The following CASP6 variants were observed in gnomAD, a reference collection of about 807,000 sequenced individuals.
The protein encoded by CASP6 is caspase 6, also known as caspase-6.
A neutral mutation model predicts 31.8 loss-of-function variants in CASP6; 20 were observed. That is an observed-to-expected ratio of 0.63 (90% confidence interval 0.44 to 0.91). The LOEUF is 0.91. CASP6 is among the 40% of genes least tolerant of loss of function. The pLI is 0.00. For missense variants in CASP6, 328 were observed against 361.1 expected (o/e 0.91, Z 0.74); for synonymous variants, 130 against 127.8 (o/e 1.02, Z -0.12).
At chr4:109,664,485 C>T in the CASP6 span, 16 of 608,978 alleles carry the variant, frequency 2.6e-5, no homozygotes, top group South Asian at 1.6e-4. Context: ...AGTACAGTGA[C>T]GTCGTCATAG....
chr4:109,700,416 G>A (rs986331028), intron 1 of CASP6, among the ~76,000 whole-genome samples: 6 of 152,120 alleles, frequency 3.9e-5, no homozygotes, highest in Non-Finnish European at 8.8e-5. Context: ...CGGTTACCTG[G>A]AAGGCCAAGG....
intron 1 of CASP6, among the ~76,000 whole-genome samples, chr4:109,700,653 T>C (rs1730392425): frequency 6.6e-6 from 1 of 152,178 alleles, no homozygotes; most frequent in Admixed American, 6.5e-5. Context: ...ACCTAGGCTC[T>C]GGACATCCCA....
the CASP6 span, among the ~76,000 whole-genome samples, chr4:109,666,763 T>C: frequency 6.6e-6 from 1 of 152,190 alleles, no homozygotes; most frequent in Non-Finnish European, 1.5e-5. Flanking sequence ...TTGAGGAAAT[T>C]GCCCTCTGTT....
At chr4:109,682,757 C>T in the CASP6 span, 13 of 1,593,832 alleles carry the variant, frequency 8.2e-6, no homozygotes, top group Middle Eastern at 3.3e-4. Context: ...GGAAGCATCA[C>T]GGTTGAGTAT....
intron 5 of CASP6, among the ~76,000 whole-genome samples, chr4:109,693,229 C>T (rs1730130876): frequency 6.6e-6 from 1 of 152,214 alleles, no homozygotes; most frequent in Non-Finnish European, 1.5e-5. Context: ...CCTGTACAGC[C>T]TGCAGAACTG....
chr4:109,665,672 G>T, the CASP6 span, among the ~76,000 whole-genome samples: 1 of 152,054 alleles, frequency 6.6e-6, no homozygotes, highest in African/African-American at 2.4e-5. Context: ...TCATTTTGTT[G>T]TTGTTGTATT....
chr4:109,691,080 A>C (rs1306376429), intron 5 of CASP6, 71 bp from the exon 6 acceptor site: 1 of 1,494,224 alleles, frequency 6.7e-7, no homozygotes, highest in Non-Finnish European at 9.0e-7. Flanking sequence ...GTGTGCAGTG[A>C]ATGTGTAAGC....
intron 5 of CASP6, chr4:109,692,177 A>C (rs916987293): frequency 5.9e-5 from 9 of 152,264 alleles, no homozygotes; most frequent in African/African-American, 2.2e-4. Context: ...GGCAGATTTT[A>C]ATCTTCGTAT....
the CASP6 span, among the ~76,000 whole-genome samples, chr4:109,674,863 G>T: frequency 2.0e-5 from 3 of 152,198 alleles, no homozygotes; most frequent in Non-Finnish European, 4.4e-5. Flanking sequence ...AAATGTGTGT[G>T]TTGCTTATTT....
At chr4:109,703,622 C>A, upstream of CASP6, 2 of 579,176 alleles carry the variant, frequency 3.5e-6, no homozygotes, top group Admixed American at 3.2e-5. Context: ...ACCAAGAGCG[C>A]GGGGGCAGGG....
chr4:109,674,220 G>A, the CASP6 span: 2 of 751,480 alleles, frequency 2.7e-6, no homozygotes, highest in South Asian at 2.9e-5. Flanking sequence ...AATTTGTATG[G>A]GTTTAGATGG....
the CASP6 span, among the ~76,000 whole-genome samples, chr4:109,674,635 A>G: frequency 3.9e-5 from 6 of 152,342 alleles, 1 homozygote; most frequent in Non-Finnish European, 8.8e-5. Context: ...ATGTGTTTAA[A>G]CCAAATCCAG....
chr4:109,707,738 C>T (rs1541373), upstream of CASP6, among the ~76,000 whole-genome samples: 101,132 of 151,898 alleles, frequency 0.67, 34,202 homozygotes, highest in African/African-American at 0.79. Flanking sequence ...AGGGACAGAA[C>T]CATGCAGAAA....
chr4:109,666,070 G>A, the CASP6 span, among the ~76,000 whole-genome samples: 1 of 151,878 alleles, frequency 6.6e-6, no homozygotes. Flanking sequence ...GAAGAGGAAG[G>A]CCAGCTTGGC....
At chr4:109,674,088 C>A in the CASP6 span, 1 of 1,458,028 alleles carries the variant, frequency 6.9e-7, no homozygotes, top group Non-Finnish European at 9.6e-7. Flanking sequence ...TGGGCTATTC[C>A]ATGTATCGGG....
the CASP6 span, among the ~76,000 whole-genome samples, chr4:109,679,623 G>A: frequency 3.9e-5 from 6 of 152,186 alleles, no homozygotes; most frequent in East Asian, 1.9e-4. Context: ...CTGGGAGACC[G>A]TAGAGAGGGA....
downstream of CASP6, chr4:109,687,412 AT>A (rs1351152887): frequency 2.7e-6 from 2 of 735,484 alleles, no homozygotes; most frequent in Admixed American, 5.4e-5. Context: ...TAAACATTTT[AT>A]TGCTGTAAGG....
chr4:109,680,626 G>A, the CASP6 span, among the ~76,000 whole-genome samples: 1 of 152,300 alleles, frequency 6.6e-6, no homozygotes, highest in East Asian at 1.9e-4. Flanking sequence ...AGAACACCTA[G>A]CTTTCACCCC....
downstream of CASP6, chr4:109,684,303 C>T: frequency 1.7e-6 from 1 of 577,580 alleles, no homozygotes; most frequent in Non-Finnish European, 3.0e-6. Context: ...ACCTCGTGAT[C>T]CGCCCACCTC....
Sources: allele counts gnomAD v4.1 joint callset (sites outside exome capture counted in the v4.1 genomes callset), GRCh38; gene constraint gnomAD v4.1.1; transcripts MANE v1.5; gene names NCBI Gene and HGNC (gene_info 2026-07-23, HGNC 2026-07-21).